Variants in BCL11A observed in about 807,000 individuals in gnomAD.
The protein encoded by BCL11A is BCL11 transcription factor A.
A neutral mutation model predicts 55.9 loss-of-function variants in BCL11A; 2 were observed. That is an observed-to-expected ratio of 0.04 (90% CI 0.01 to 0.11). The LOEUF is 0.11. Ranked by LOEUF, BCL11A falls within the 10% of genes least tolerant of loss-of-function variation. BCL11A has a pLI of 1.00. For synonymous variants in BCL11A, 465 were observed against 473.4 expected, an observed-to-expected ratio of 0.98 and a Z score of 0.23; for missense variants, 817 against 1,137.1, an observed-to-expected ratio of 0.72 and a Z score of 4.05.
chr2:60,509,172 C>T (rs527570605), intron 2 of BCL11A, among the ~76,000 whole-genome samples: 3 of 152,302 alleles, frequency 2.0e-5, no homozygotes, highest in East Asian at 1.9e-4. Context: ...TTGCAAATTA[C>T]CCCCCAATAA....
chr2:60,550,509 G>A (rs559966717), intron 1 of BCL11A, among the ~76,000 whole-genome samples: 2 of 150,734 alleles, frequency 1.3e-5, no homozygotes, highest in Non-Finnish European at 3.0e-5. Flanking sequence ...TCTTGATCTT[G>A]TTCTGCCTCC....
rs542610920 is a variant in BCL11A at position 60,465,953 on chromosome 2, A to G, written c.487+2779T>C. The stretch of plus-strand genomic sequence containing the variant: ...AGAGCAGGGGTGACTGGCACACAGC[A>G]GAGTGGCCACAGGGAAGTGCTATGA... On this transcript the variant is annotated intron_variant, in intron 3 of 3. Coordinates refer to ENST00000642384, the MANE Select transcript of BCL11A (RefSeq NM_022893.4). Among the ~76,000 whole-genome samples the G allele has an allele frequency of 4.6e-5, 7 of 152,322 alleles. 1 individual carries two copies. In the South Asian group the frequency reaches 1.4e-3, roughly 32 times the overall value.
intron 2 of BCL11A, 131 bp from the exon 3 acceptor site, chr2:60,468,964 G>T (rs1170898270): frequency 6.7e-6 from 4 of 599,344 alleles, no homozygotes; most frequent in African/African-American, 4.0e-5. Flanking sequence ...TAGTTAACAG[G>T]CCCAAGGCCT....
At chr2:60,552,461 A>T (rs1670453468) in intron 1 of BCL11A, among the ~76,000 whole-genome samples, 1 of 151,856 alleles carries the variant, frequency 6.6e-6, no homozygotes, top group African/African-American at 2.4e-5. Flanking sequence ...GGCAAGCGCG[A>T]GGAGCCGGCA....
In BCL11A at chr2:60,459,387, TA is replaced by T. The variant is rs752558603; in HGVS notation, c.*1016del. 1.7e-5 allele frequency: 17 copies of T among 1,019,630 alleles called. No individual in the cohort carries two copies. The highest frequency in any genetic ancestry group is 9.3e-5 in the South Asian group (2 of 21,592). The allele number at this position is 1,019,630 out of a possible 1,614,324, so 63.2% of individuals were successfully genotyped here. On this transcript the variant is annotated 3_prime_UTR_variant, in exon 4 of 4. Coordinates refer to ENST00000642384, the MANE Select transcript of BCL11A (RefSeq NM_022893.4). ...TTACACATTCAATTTAATCATTGTT[TA>T]AAAAAAATAAAACTTTGGGCAAAAC...
chr2:60,487,341 A>G (rs927060011), intron 2 of BCL11A, among the ~76,000 whole-genome samples: 4 of 152,270 alleles, frequency 2.6e-5, no homozygotes, highest in East Asian at 3.9e-4. Flanking sequence ...GCACCCCACA[A>G]TGCCACACAC....
intron 2 of BCL11A, among the ~76,000 whole-genome samples, chr2:60,484,653 C>T (rs1005413627): frequency 1.3e-5 from 2 of 151,296 alleles, no homozygotes; most frequent in Admixed American, 1.3e-4. Flanking sequence ...ACATGGCTCA[C>T]GTGTTTTTTC....
chr2:60,475,860 A>G (rs563070738), intron 2 of BCL11A, among the ~76,000 whole-genome samples: 5 of 152,324 alleles, frequency 3.3e-5, no homozygotes, highest in Non-Finnish European at 7.3e-5. Context: ...TCCTTTAGGA[A>G]GCAGGGACTT....
At chr2:60,517,886 G>A (rs190744636) in intron 2 of BCL11A, among the ~76,000 whole-genome samples, 1 of 149,536 alleles carries the variant, frequency 6.7e-6, no homozygotes, top group Non-Finnish European at 1.5e-5. Context: ...TGCTCAAAGA[G>A]CTGTGCTTTC....
At chr2:60,517,241 C>T (rs757199954) in intron 2 of BCL11A, among the ~76,000 whole-genome samples, 1 of 152,144 alleles carries the variant, frequency 6.6e-6, no homozygotes, top group Non-Finnish European at 1.5e-5. Flanking sequence ...GTTCCTTCAC[C>T]ACCCCAACTC....
intron 2 of BCL11A, among the ~76,000 whole-genome samples, chr2:60,517,984 A>T (rs1668809213): frequency 1.4e-5 from 2 of 147,906 alleles, no homozygotes; most frequent in Admixed American, 6.7e-5. Context: ...GAAAATTTTT[A>T]AAAGACTTTA....
chr2:60,539,866 A>G (rs1227479610), intron 2 of BCL11A, among the ~76,000 whole-genome samples: 1 of 152,120 alleles, frequency 6.6e-6, no homozygotes, highest in Non-Finnish European at 1.5e-5. Flanking sequence ...AAATTTACTG[A>G]TATTGGCCAG....
intron 1 of BCL11A, among the ~76,000 whole-genome samples, chr2:60,551,459 C>A (rs1056552172): frequency 6.6e-6 from 1 of 152,182 alleles, no homozygotes; most frequent in Non-Finnish European, 1.5e-5. Flanking sequence ...GTGCTCGGGG[C>A]GCAGGGGGAC....
chr2:60,473,240 G>GTTT (rs35836068), intron 2 of BCL11A, among the ~76,000 whole-genome samples: 1 of 140,406 alleles, frequency 7.1e-6, no homozygotes, highest in Non-Finnish European at 1.5e-5. Flanking sequence ...TAATTTCCCT[G>GTTT]TTTTTTTTTT....
chr2:60,454,885 G>A (rs897339578), downstream of BCL11A, among the ~76,000 whole-genome samples: 62 of 152,124 alleles, frequency 4.1e-4, 1 homozygote, highest in Admixed American at 6.5e-5. Flanking sequence ...TACAAAAATG[G>A]TATTTAAATA....
chr2:60,534,225 A>T (rs1253455345), intron 2 of BCL11A: 1 of 152,278 alleles, frequency 6.6e-6, no homozygotes, highest in Admixed American at 6.5e-5. Flanking sequence ...CCTGGAGACC[A>T]GGATATACTT....
intron 2 of BCL11A, chr2:60,542,848 G>A (rs1158648673): frequency 1.3e-5 from 2 of 152,188 alleles, no homozygotes; most frequent in African/African-American, 2.4e-5. Context: ...GGCCAACATG[G>A]TGAAACCCTG....
intron 1 of BCL11A, among the ~76,000 whole-genome samples, chr2:60,548,346 T>G (rs1208280882): frequency 1.3e-5 from 2 of 150,994 alleles, no homozygotes; most frequent in South Asian, 2.1e-4. Context: ...TTTTTTTTTT[T>G]GTTCCCAAGG....
rs1009747725 is a variant in BCL11A, at chr2:60,461,204, G to T, written c.1708C>A (p.His570Asn). The change falls in exon 4 of 4, where the codon CAT (histidine) becomes AAT (asparagine). Residue 570 changes from histidine to asparagine, a missense_variant. This residue lies in a region of BCL11A where 379 missense variants were observed against 425.3 expected (regional missense o/e 0.89). Transcript: ENST00000642384. ...GCCTCGGCCAGGTGGCCGCGCTTAT[G>T]CTTCTCGCCCAGGACCTGGTGGAAG... ...EAFHQVLGEK[H>N]KRGHLAEAEG... is the part of the protein sequence containing the mutation. The T allele has an allele frequency of 3.1e-6, 5 of 1,612,272 alleles. No homozygotes were observed. Among genetic ancestry groups the T allele is most frequent in the Non-Finnish European group, 4.2e-6 (5 of 1,179,838 alleles).
Sources: allele counts gnomAD v4.1 joint callset (sites outside exome capture counted in the v4.1 genomes callset), GRCh38; gene constraint gnomAD v4.1.1; regional missense constraint gnomAD v4.1.1; transcripts MANE v1.5; gene names NCBI Gene and HGNC (gene_info 2026-07-23, HGNC 2026-07-21).